The following CD300LD variants were observed in gnomAD, a reference collection of about 807,000 sequenced individuals.
CD300LD encodes the protein CD300 molecule like family member d.
Under a neutral mutation model 20.3 loss-of-function variants are expected in CD300LD, and 18 were observed. The observed-to-expected ratio is 0.89, with a 90% CI of 0.61 to 1.32. CD300LD has a LOEUF of 1.32. Among genes scored for constraint, CD300LD ranks in the 40% most tolerant of loss-of-function variants. The pLI is 0.00. For synonymous variants in CD300LD, 104 were observed against 90.1 expected, an observed-to-expected ratio of 1.15 and a Z score of -0.87; for missense variants, 195 against 226.6, an observed-to-expected ratio of 0.86 and a Z score of 0.90.
chr17:74,589,499 C>T (rs1385380227), intron 1 of CD300LD, among the ~76,000 whole-genome samples: 1 of 152,204 alleles, frequency 6.6e-6, no homozygotes, highest in Non-Finnish European at 1.5e-5. Flanking sequence ...CAACACCCTT[C>T]TGCATCTTAT....
In CD300LD at chr17:74,592,149, C is replaced by T. The variant is rs1445282270; in HGVS notation, c.40+14G>A. The T allele has an allele frequency of 1.2e-6, 2 of 1,614,164 alleles. No homozygotes were observed. The highest frequency in any genetic ancestry group is 1.7e-6 in the Non-Finnish European group (2 of 1,180,032). ...GCTGTCATTCCAGTGCCTTAAAGCT[C>T]CAGCCACACTCACCTGGGAGGATGA... On this transcript the variant is annotated intron_variant, in intron 1 of 3. Transcript: ENST00000375352.
At position 74,579,983 on chromosome 17, in the gene CD300LD, C is replaced by A. The variant is rs753908472; in HGVS notation, c.*19G>T. ...CAATGGGCATTGGGACTCTCATCATCGGGCTGACTCCTCCTCCTTCAAGAC... is the reference window on the plus strand; with the variant it reads ...CAATGGGCATTGGGACTCTCATCATAGGGCTGACTCCTCCTCCTTCAAGAC... On this transcript the variant is annotated 3_prime_UTR_variant, in exon 4 of 4. Transcript: ENST00000375352. The A allele has an allele frequency of 2.6e-6, 4 of 1,538,318 alleles. No homozygotes were observed. In the Admixed American group the frequency reaches 6.8e-5, roughly 26 times the overall value.
intron 3 of CD300LD, 147 bp downstream of exon 3, chr17:74,582,071 G>A: frequency 1.7e-6 from 1 of 579,242 alleles, no homozygotes; most frequent in South Asian, 2.3e-5. Flanking sequence ...GAAATAGTTG[G>A]GATATACTTA....
Position 74,579,868 on chromosome 17 carries a change from G to C in CD300LD, c.*134C>G. 1.8e-6 allele frequency: 1 copy of C among 554,750 alleles called. No individual in the cohort carries two copies. The highest frequency in any genetic ancestry group is 3.3e-5 in the East Asian group (1 of 30,480). The allele number at this position is 554,750 out of a possible 1,614,324, so 34.4% of individuals were successfully genotyped here. A position where few individuals can be genotyped will look rare whatever the true frequency, so the allele number is the denominator to read the frequency against. On this transcript the variant is annotated 3_prime_UTR_variant, in exon 4 of 4. Transcript: ENST00000375352. Reference sequence around the variant, plus strand: ...CCATTGCATTCCAGCCTGGGTGACAGAGCAAGACTCTATCTCTAGAAAGAA... The same window carrying C: ...CCATTGCATTCCAGCCTGGGTGACACAGCAAGACTCTATCTCTAGAAAGAA...
In CD300LD at chr17:74,580,008, C is replaced by G. The variant is rs1478296240; in HGVS notation, c.579G>C (p.Arg193Ser). ...TVLWVNRPQR[R>S]S ...CGGGCTGACTCCTCCTCCTTCAAGA[C>G]CTTCTTTGTGGTCTGTTTACCCAGA... The change falls in exon 4 of 4, where the codon AGG becomes AGC. Residue 193 changes from arginine (R) to serine (S), a missense_variant. Transcript: ENST00000375352. The G allele has an allele frequency of 1.2e-5, 20 of 1,608,624 alleles. No individual in the cohort carries two copies. The highest frequency in any genetic ancestry group is 1.7e-5 in the Admixed American group (1 of 59,628).
intron 3 of CD300LD, among the ~76,000 whole-genome samples, chr17:74,581,355 G>A (rs1472388082): frequency 3.9e-5 from 6 of 152,144 alleles, no homozygotes; most frequent in South Asian, 4.1e-4. Flanking sequence ...GGGCCTCTGC[G>A]CTGGGCTCTA....
Position 74,579,650 on chromosome 17 carries a change from G to A in CD300LD, c.*352C>T, listed in dbSNP as rs72631366. On this transcript the variant is annotated 3_prime_UTR_variant, in exon 4 of 4. Transcript: ENST00000375352. ...CTGTAATCCCACCACTTTGGGAGGCGAAGCGGGAGGATCTCTTGAGGTCAA... is the reference window on the plus strand; with the variant it reads ...CTGTAATCCCACCACTTTGGGAGGCAAAGCGGGAGGATCTCTTGAGGTCAA... 0.016 allele frequency: 2,729 copies of A among 172,002 alleles called. 50 individuals are homozygous for A. Among genetic ancestry groups the A allele is most frequent in the East Asian group, 0.073 (447 of 6,082 alleles). The allele number at this position is 172,002 out of a possible 1,614,324, so 10.7% of individuals were successfully genotyped here. A position where few individuals can be genotyped will look rare whatever the true frequency, so the allele number is the denominator to read the frequency against.
At chr17:74,588,475 C>T (rs978596083) in intron 2 of CD300LD, 36 bp downstream of exon 2, 7 of 1,402,008 alleles carry the variant, frequency 5.0e-6, no homozygotes, top group Non-Finnish European at 7.0e-6. Flanking sequence ...CAGAGCAGGA[C>T]CTGAGAGACA....
rs1330760886 is a variant in CD300LD, at chr17:74,579,522, G to C, written c.*480C>G. The stretch of plus-strand genomic sequence containing the variant: ...GGTGGCACGGCTGCAGGAGATAGGG[G>C]ACTAGGAGGCTGTTCCCTGAAGCTG... On this transcript the variant is annotated 3_prime_UTR_variant, in exon 4 of 4. Coordinates refer to ENST00000375352, the MANE Select transcript of CD300LD (RefSeq NM_001115152.2). The C allele has an allele frequency of 6.4e-6, 1 of 157,410 alleles. No homozygotes were observed. Among genetic ancestry groups the C allele is most frequent in the African/African-American group, 2.4e-5 (1 of 41,486 alleles). 9.8% of individuals were successfully genotyped at this position (157,410 alleles called of 1,614,324 possible).
At chr17:74,584,979 T>C (rs936956537) in intron 2 of CD300LD, 1 of 152,140 alleles carries the variant, frequency 6.6e-6, no homozygotes, top group African/African-American at 2.4e-5. Context: ...AAAGAGGTAC[T>C]GGGATATCAG....
intron 1 of CD300LD, chr17:74,591,866 T>G: frequency 2.2e-6 from 1 of 454,108 alleles, no homozygotes. Flanking sequence ...CACTCATTAG[T>G]TCCTTCCTTC....
intron 2 of CD300LD, among the ~76,000 whole-genome samples, chr17:74,582,580 T>G (rs1166669090): frequency 1.3e-5 from 2 of 152,240 alleles, no homozygotes; most frequent in African/African-American, 4.8e-5. Flanking sequence ...AGCATTCCGC[T>G]CTCCTCGGGC....
At chr17:74,588,144 G>A (rs997273863) in intron 2 of CD300LD, among the ~76,000 whole-genome samples, 1 of 152,194 alleles carries the variant, frequency 6.6e-6, no homozygotes, top group Non-Finnish European at 1.5e-5. Flanking sequence ...GTGGCTCCAG[G>A]CACCTCGTGG....
chr17:74,580,149 C>G (rs2030001575), intron 3 of CD300LD, 36 bp from the exon 4 acceptor site: 1 of 1,424,066 alleles, frequency 7.0e-7, no homozygotes, highest in African/African-American at 1.4e-5. Flanking sequence ...GAGCTGCCTC[C>G]TGGGTCAGAG....
At chr17:74,591,854 C>T (rs1184310120) in intron 1 of CD300LD, 2 of 323,248 alleles carry the variant, frequency 6.2e-6, no homozygotes, top group Non-Finnish European at 1.1e-5. Context: ...CAAGAATGGA[C>T]TCACTCATTA....
Position 74,588,573 on chromosome 17 carries a change from CA to C in CD300LD, c.316del (p.Trp106GlyfsTer17). 1 of 1,614,138 alleles carries C rather than the reference CA, an allele frequency of 6.2e-7. No individual in the cohort carries two copies. Among genetic ancestry groups the C allele is most frequent in the Non-Finnish European group, 8.5e-7 (1 of 1,179,988 alleles). On this transcript the variant is annotated frameshift_variant, in exon 2 of 4. Transcript: ENST00000375352. LOFTEE classifies it high-confidence loss of function. ...NLKRDDADSYWCGTERPGIDL... is the reference protein window; with the variant it reads ...NLKRDDADSYXCGTERPGIDL... The stretch of plus-strand genomic sequence containing the variant: ...AATTCCAGGTCTCTCAGTCCCACAC[CA>C]ATAACTGTCAGCATCATCTCTTTTG...
Position 74,580,076 on chromosome 17 carries a change from G to A in CD300LD, c.511C>T (p.Leu171Phe). 1 of 1,613,032 alleles carries A rather than the reference G, an allele frequency of 6.2e-7. No individual in the cohort carries two copies. Among genetic ancestry groups the A allele is most frequent in the Non-Finnish European group, 8.5e-7 (1 of 1,179,446 alleles). Residue 171 changes from leucine (L) to phenylalanine (F), a missense_variant, in exon 4 of 4, where the codon CTC (leucine) becomes TTC (phenylalanine). Leu to Phe is a conservative substitution (Grantham distance 22). Transcript: ENST00000375352. ...CTCAGGAGCAGAGGCAGCTCCAGGAGGAACAGGAACAGGAAGTGGGTGCTC... is the reference window on the plus strand; with the variant it reads ...CTCAGGAGCAGAGGCAGCTCCAGGAAGAACAGGAACAGGAAGTGGGTGCTC... ...LKSTHFLFLFLLELPLLLSML... is the reference protein window; with the variant it reads ...LKSTHFLFLFFLELPLLLSML...
intron 2 of CD300LD, 30 bp from the exon 3 acceptor site, chr17:74,582,341 C>A: frequency 6.3e-7 from 1 of 1,590,814 alleles, no homozygotes; most frequent in Admixed American, 1.7e-5. Flanking sequence ...CACGGTTCAC[C>A]CCTTCCATGG....
chr17:74,581,531 C>T (rs1258352849), intron 3 of CD300LD, among the ~76,000 whole-genome samples: 1 of 152,258 alleles, frequency 6.6e-6, no homozygotes, highest in Non-Finnish European at 1.5e-5. Context: ...CCAGACCCCT[C>T]TGCCAGCTTG....
Sources: allele counts gnomAD v4.1 joint callset (sites outside exome capture counted in the v4.1 genomes callset), GRCh38; gene constraint gnomAD v4.1.1; transcripts MANE v1.5; gene names NCBI Gene and HGNC (gene_info 2026-07-23, HGNC 2026-07-21).